The following NRXN1 variants were observed in gnomAD, a reference collection of about 807,000 sequenced individuals.
NRXN1 encodes neurexin-1.
Under a neutral mutation model 150.9 loss-of-function variants are expected in NRXN1, and 39 were observed. That is an observed-to-expected ratio of 0.26 (90% CI 0.20 to 0.34). The LOEUF is 0.34. Ranked by LOEUF, NRXN1 falls within the 10% of genes least tolerant of loss-of-function variation. NRXN1 has a pLI of 1.00. For missense variants in NRXN1, 1,815 were observed against 1,949.9 expected (o/e 0.93, Z 1.30); for synonymous variants, 924 against 757.0 (o/e 1.22, Z -3.62).
intron 5 of NRXN1, among the ~76,000 whole-genome samples, chr2:50,796,626 C>T (rs1706868871): frequency 6.6e-6 from 1 of 152,160 alleles, no homozygotes; most frequent in Admixed American, 6.6e-5. Context: ...CAGCAGAACT[C>T]TCAACATTAA....
chr2:50,472,625 G>C (rs2089610054), intron 15 of NRXN1, among the ~76,000 whole-genome samples, 154 bp from the exon 16 acceptor site: 2 of 149,924 alleles, frequency 1.3e-5, no homozygotes, highest in Non-Finnish European at 2.9e-5. Context: ...CTAAACAATA[G>C]AGACGTTTGA....
chr2:50,258,141 T>A (rs1404955736), intron 17 of NRXN1, among the ~76,000 whole-genome samples: 1 of 151,964 alleles, frequency 6.6e-6, no homozygotes, highest in Non-Finnish European at 1.5e-5. Flanking sequence ...CTGTGGCAAT[T>A]TCTTAAAACA....
chr2:50,236,649 C>A, intron 18 of NRXN1, 140 bp downstream of exon 18: 1 of 767,578 alleles, frequency 1.3e-6, no homozygotes, highest in South Asian at 1.5e-5. Context: ...GGTCTTATTT[C>A]CTCTAGATTG....
intron 5 of NRXN1, among the ~76,000 whole-genome samples, chr2:50,818,979 A>T (rs1195281965): frequency 1.3e-5 from 2 of 152,090 alleles, no homozygotes; most frequent in African/African-American, 4.8e-5. Flanking sequence ...GCAATGCGAT[A>T]TCAACCGACA....
At chr2:50,689,831 T>C (rs927925227) in intron 5 of NRXN1, among the ~76,000 whole-genome samples, 2 of 151,508 alleles carry the variant, frequency 1.3e-5, no homozygotes, top group African/African-American at 2.4e-5. Flanking sequence ...AGGCTTCCCA[T>C]CAGCTTGTTT....
intron 17 of NRXN1, among the ~76,000 whole-genome samples, chr2:50,237,766 A>G (rs2152880817): frequency 6.6e-6 from 1 of 152,120 alleles, no homozygotes; most frequent in East Asian, 1.9e-4. Flanking sequence ...AAACAAATTT[A>G]TTCAGCATTT....
In NRXN1 at chr2:50,193,825, C is replaced by T. The variant is rs951481102; in HGVS notation, c.3546+42964G>A. 9.2e-5 allele frequency among the ~76,000 whole-genome samples: 14 copies of T among 152,006 alleles called. No homozygotes were observed. In the East Asian group the frequency reaches 2.5e-3, roughly 27 times the overall value. On this transcript the variant is annotated intron_variant, in intron 18 of 22. Coordinates refer to ENST00000401669, the MANE Select transcript of NRXN1 (RefSeq NM_001330078.2). ...GTCACAAAACTATCTCAAGGACATA[C>T]TGTCTTTTAATTTGGAAAAAAAAAA...
chr2:50,729,405 G>A (rs1014132964), intron 5 of NRXN1, among the ~76,000 whole-genome samples: 1 of 152,154 alleles, frequency 6.6e-6, no homozygotes, highest in Non-Finnish European at 1.5e-5. Context: ...TGCATAGTAA[G>A]TTGTGCAGTT....
intron 18 of NRXN1, among the ~76,000 whole-genome samples, chr2:50,145,081 G>C (rs930131557): frequency 6.6e-6 from 1 of 151,510 alleles, no homozygotes; most frequent in Non-Finnish European, 1.5e-5. Flanking sequence ...CAAATATAGA[G>C]AAGAAAATAG....
At chr2:50,068,112 T>G (rs183416198) in intron 19 of NRXN1, among the ~76,000 whole-genome samples, 2 of 152,314 alleles carry the variant, frequency 1.3e-5, no homozygotes, top group Non-Finnish European at 2.9e-5. Flanking sequence ...ATTATGACAT[T>G]CTGATCTTAT....
At chr2:50,739,309 C>A in intron 5 of NRXN1, 1 of 465,200 alleles carries the variant, frequency 2.1e-6, no homozygotes, top group Non-Finnish European at 4.3e-6. Flanking sequence ...AACATACCTC[C>A]ATTATGCAAT....
chr2:50,610,501 T>G lies in NRXN1; in HGVS notation c.1320+9521A>C, dbSNP rs1390800183. 3.3e-5 allele frequency among the ~76,000 whole-genome samples: 5 copies of G among 151,148 alleles called. No homozygotes were observed. The East Asian group carries it at 9.8e-4, about 30-fold the overall frequency. On this transcript the variant is annotated intron_variant, in intron 8 of 22. Transcript: ENST00000401669. ...TTCCATTGTATTATTAGAGAAATTT[T>G]TCATACCTCACTTAGGAAGCTTGTA...
intron 14 of NRXN1, among the ~76,000 whole-genome samples, chr2:50,496,721 C>G (rs143125454): frequency 1.2e-4 from 19 of 152,208 alleles, no homozygotes; most frequent in Non-Finnish European, 2.1e-4. Flanking sequence ...GATGTGCATA[C>G]GGGTGGCAGA....
At position 49,924,748 on chromosome 2, in the gene NRXN1, G is replaced by C. The variant is rs147111266; in HGVS notation, c.4217-2497C>G. ...CAGATGTAAAAATTCTAAATATCAT[G>C]TTTCTTAAAAATATAACCTAGAAAA... On this transcript the variant is annotated intron_variant, in intron 22 of 22. Coordinates refer to ENST00000401669, the MANE Select transcript of NRXN1 (RefSeq NM_001330078.2). Among the ~76,000 whole-genome samples, 577 of 152,152 alleles carry C rather than the reference G, an allele frequency of 3.8e-3. 4 individuals are homozygous for C. Among genetic ancestry groups the C allele is most frequent in the African/African-American group, 0.013 (551 of 41,532 alleles).
chr2:50,503,624 G>A (rs535800394), intron 13 of NRXN1, among the ~76,000 whole-genome samples: 1 of 152,274 alleles, frequency 6.6e-6, no homozygotes, highest in East Asian at 1.9e-4. Context: ...GCTTACAGCA[G>A]AATGCTAAGC....
At chr2:50,460,597 G>A (rs180920715) in intron 17 of NRXN1, among the ~76,000 whole-genome samples, 2 of 151,944 alleles carry the variant, frequency 1.3e-5, no homozygotes, top group Non-Finnish European at 2.9e-5. Flanking sequence ...CTAAAAAGAA[G>A]AACAAAGATA....
chr2:50,651,851 C>T (rs1204380541), intron 5 of NRXN1, among the ~76,000 whole-genome samples: 1 of 151,990 alleles, frequency 6.6e-6, no homozygotes, highest in African/African-American at 2.4e-5. Flanking sequence ...AAAATAAGCA[C>T]TGCACAACAA....
chr2:50,330,717 A>G (rs2076785263), intron 17 of NRXN1, among the ~76,000 whole-genome samples: 1 of 152,224 alleles, frequency 6.6e-6, no homozygotes, highest in Non-Finnish European at 1.5e-5. Context: ...CTATAAGTGG[A>G]AAACTTGTTC....
At chr2:50,985,598 C>T (rs1306896484) in intron 2 of NRXN1, among the ~76,000 whole-genome samples, 1 of 150,888 alleles carries the variant, frequency 6.6e-6, no homozygotes, top group Non-Finnish European at 1.5e-5. Context: ...AAATGTACTA[C>T]AATAATAAGG....
Sources: gnomAD v4.1 joint callset for allele counts (sites outside exome capture counted in the v4.1 genomes callset) on GRCh38, gnomAD v4.1.1 for gene constraint, MANE v1.5 for transcripts, NCBI Gene and HGNC (gene_info 2026-07-23, HGNC 2026-07-21) for gene names.